SUMF1: variants seen among roughly 807,000 people sequenced by gnomAD.
SUMF1 encodes the protein sulfatase modifying factor 1.
In SUMF1, 48 loss-of-function variants were observed where a neutral mutation model predicts 47.6. The ratio of observed to expected loss-of-function variants is 1.01; its 90% confidence interval spans 0.80 to 1.28. The LOEUF (loss-of-function observed/expected upper bound fraction) is 1.28, where lower values mean the gene tolerates loss of function less well. SUMF1 is among the 50% of genes most tolerant of loss of function. The pLI, the probability that SUMF1 is intolerant of heterozygous loss-of-function variation, is 0.00. For missense variants in SUMF1, 571 were observed against 485.4 expected, an observed-to-expected ratio of 1.18 and a Z score of -1.66; for synonymous variants, 230 against 192.1, an observed-to-expected ratio of 1.20 and a Z score of -1.63.
intron 8 of SUMF1, among the ~76,000 whole-genome samples, chr3:4,122,743 G>A (rs1693573185): frequency 6.6e-6 from 1 of 152,298 alleles, no homozygotes; most frequent in East Asian, 1.9e-4. Context: ...TGGCTGTGAT[G>A]TGGTTAACTA....
At chr3:4,435,624 T>A (rs1434521085) in intron 3 of SUMF1, among the ~76,000 whole-genome samples, 3 of 152,130 alleles carry the variant, frequency 2.0e-5, no homozygotes, top group East Asian at 1.9e-4. Flanking sequence ...AGATAAAAAA[T>A]TTTTTAAACT....
intron 7 of SUMF1, among the ~76,000 whole-genome samples, chr3:4,380,008 T>G (rs1303200023): frequency 1.3e-5 from 2 of 152,180 alleles, no homozygotes; most frequent in Non-Finnish European, 2.9e-5. Context: ...AGTTTATGAC[T>G]GCAGGCTAAA....
At chr3:4,342,817 A>C (rs1699298592) in intron 8 of SUMF1, among the ~76,000 whole-genome samples, 1 of 152,230 alleles carries the variant, frequency 6.6e-6, no homozygotes, top group Admixed American at 6.5e-5. Flanking sequence ...CCATCAAGGT[A>C]GACTCACTAG....
intron 8 of SUMF1, among the ~76,000 whole-genome samples, chr3:4,284,283 G>A (rs759159211): frequency 4.0e-5 from 6 of 151,832 alleles, no homozygotes; most frequent in African/African-American, 1.4e-4. Context: ...ATGGTGGCAC[G>A]TGCCAGTAGT....
chr3:4,234,446 T>A (rs529792327), intron 8 of SUMF1, among the ~76,000 whole-genome samples: 1 of 152,236 alleles, frequency 6.6e-6, no homozygotes, highest in South Asian at 2.1e-4. Flanking sequence ...GACTTTATAA[T>A]GCTAACTCCC....
At chr3:4,334,508 G>C (rs1699107759) in intron 8 of SUMF1, among the ~76,000 whole-genome samples, 1 of 152,172 alleles carries the variant, frequency 6.6e-6, no homozygotes, top group African/African-American at 2.4e-5. Context: ...TTCAGGACAT[G>C]TTCTCTAGGA....
intron 7 of SUMF1, among the ~76,000 whole-genome samples, chr3:4,385,210 G>A (rs559740978): frequency 2.6e-5 from 4 of 152,122 alleles, no homozygotes; most frequent in African/African-American, 4.8e-5. Flanking sequence ...TAAAGAAAAC[G>A]TCAAATTGTT....
chr3:4,321,368 A>C (rs1351355216), intron 8 of SUMF1, among the ~76,000 whole-genome samples: 2 of 151,936 alleles, frequency 1.3e-5, no homozygotes, highest in Non-Finnish European at 2.9e-5. Flanking sequence ...CCAACAACAA[A>C]AAAACAGGGT....
At chr3:4,036,527 C>G (rs1694799181) in intron 9 of SUMF1, among the ~76,000 whole-genome samples, 1 of 151,696 alleles carries the variant, frequency 6.6e-6, no homozygotes, top group South Asian at 2.1e-4. Flanking sequence ...TAACTCTTCC[C>G]ATAGGCCTGA....
At chr3:4,395,880 T>A (rs531524679) in intron 7 of SUMF1, among the ~76,000 whole-genome samples, 82 of 152,326 alleles carry the variant, frequency 5.4e-4, no homozygotes, top group African/African-American at 1.8e-3. Context: ...AAATAGCACA[T>A]AAATAAACAA....
intron 8 of SUMF1, among the ~76,000 whole-genome samples, chr3:4,304,817 C>T (rs1237394481): frequency 6.6e-6 from 1 of 152,056 alleles, no homozygotes; most frequent in Non-Finnish European, 1.5e-5. Flanking sequence ...GTGACCATGG[C>T]CTGTGACACA....
At chr3:4,170,013 A>G (rs1694798004) in intron 8 of SUMF1, among the ~76,000 whole-genome samples, 1 of 152,194 alleles carries the variant, frequency 6.6e-6, no homozygotes, top group Admixed American at 6.5e-5. Flanking sequence ...TAGATGTGGG[A>G]GAGGTGAGAA....
At chr3:4,182,884 A>T (rs1695125932) in intron 8 of SUMF1, among the ~76,000 whole-genome samples, 1 of 152,140 alleles carries the variant, frequency 6.6e-6, no homozygotes, top group African/African-American at 2.4e-5. Flanking sequence ...CTATGGGGAA[A>T]GAGGGTAAGT....
intron 3 of SUMF1, among the ~76,000 whole-genome samples, chr3:4,436,269 T>G (rs1263867723): frequency 1.3e-5 from 2 of 152,170 alleles, no homozygotes; most frequent in African/African-American, 4.8e-5. Flanking sequence ...TATATGGTTA[T>G]AGGACACATT....
At chr3:4,342,047 T>C (rs781473096) in intron 8 of SUMF1, among the ~76,000 whole-genome samples, 8 of 152,226 alleles carry the variant, frequency 5.3e-5, no homozygotes, top group Admixed American at 2.0e-4. Flanking sequence ...CAAGTTTATA[T>C]TGAAAAACCC....
rs903839326 is a variant in SUMF1, at chr3:4,467,226, C to A, written c.20G>T (p.Gly7Val). 5 of 1,610,968 alleles carry A rather than the reference C, an allele frequency of 3.1e-6. No individual in the cohort carries two copies. The highest frequency in any genetic ancestry group is 2.2e-5 in the South Asian group (2 of 90,462). MAAPAL[G>V]LVCGRCPELG... ...CTCAGGGCAACGTCCACACACCAGCCCTAGTGCGGGCGCAGCCATGTTGTC... is the reference window on the plus strand; with the variant it reads ...CTCAGGGCAACGTCCACACACCAGCACTAGTGCGGGCGCAGCCATGTTGTC... The change falls in exon 1 of 9, where the codon GGG becomes GTG. Residue 7 changes from glycine (G) to valine (V), a missense_variant. By Grantham distance (109) the Gly-to-Val change is moderately radical (BLOSUM62 -3). Coordinates refer to ENST00000272902, the MANE Select transcript of SUMF1 (RefSeq NM_182760.4).
chr3:4,338,404 G>T (rs982025213), intron 8 of SUMF1, among the ~76,000 whole-genome samples: 3 of 152,208 alleles, frequency 2.0e-5, no homozygotes, highest in African/African-American at 4.8e-5. Context: ...AATAAAGTCA[G>T]TGTGGCTTTA....
chr3:4,400,971 C>A (rs1022830885), intron 7 of SUMF1, among the ~76,000 whole-genome samples: 2 of 120,322 alleles, frequency 1.7e-5, no homozygotes, highest in Non-Finnish European at 3.3e-5. Flanking sequence ...CCCCTCCCCC[C>A]ACCCCACAAC....
At chr3:4,205,873 T>A (rs934039199) in intron 8 of SUMF1, among the ~76,000 whole-genome samples, 95 of 152,236 alleles carry the variant, frequency 6.2e-4, no homozygotes, top group African/African-American at 2.3e-3. Flanking sequence ...CTGGGTCACA[T>A]CTGAAGCCAC....
Sources: allele counts gnomAD v4.1 joint callset (sites outside exome capture counted in the v4.1 genomes callset), GRCh38; gene constraint gnomAD v4.1.1; transcripts MANE v1.5; gene names NCBI Gene and HGNC (gene_info 2026-07-23, HGNC 2026-07-21).